Variants in RNF214 observed in about 807,000 individuals in gnomAD.
The protein encoded by RNF214 is ring finger protein 214.
In RNF214, 25 loss-of-function variants were observed where a neutral mutation model predicts 75.9. That is an observed-to-expected ratio of 0.33 (90% CI 0.24 to 0.46). RNF214 has a LOEUF of 0.46. Ranked by LOEUF, RNF214 falls within the 20% of genes least tolerant of loss-of-function variation. RNF214 has a pLI of 1.00. For synonymous variants in RNF214, 314 were observed against 308.8 expected (o/e 1.02, Z -0.18); for missense variants, 725 against 857.5 (o/e 0.85, Z 1.93).
rs182767200 is a variant in RNF214 at position 117,263,582 on chromosome 11, A to T, written c.960-16326A>T. Among the ~76,000 whole-genome samples, 277 of 152,290 alleles carry T rather than the reference A, an allele frequency of 1.8e-3. 1 individual carries two copies. The highest frequency in any genetic ancestry group is 3.4e-3 in the Middle Eastern group (1 of 294). On this transcript the variant is annotated intron_variant, in intron 6 of 14. Transcript: ENST00000300650. The stretch of plus-strand genomic sequence containing the variant: ...AGCCACCGCACCCAGCAGAAAAAAA[A>T]TTTTAATTATGTGTGCATGCGTGCA...
chr11:117,242,132 A>G (rs2033097776), intron 4 of RNF214, among the ~76,000 whole-genome samples: 1 of 152,168 alleles, frequency 6.6e-6, no homozygotes, highest in Admixed American at 6.5e-5. Context: ...CCTTTGATCC[A>G]TCCCTGGCCT....
In RNF214 at chr11:117,241,859, A is replaced by C. The variant is rs556820540; in HGVS notation, c.678+1999A>C. Among the ~76,000 whole-genome samples, 113 of 152,302 alleles carry C rather than the reference A, an allele frequency of 7.4e-4. 2 individuals carry two copies. The South Asian group carries it at 8.9e-3, about 12-fold the overall frequency. On this transcript the variant is annotated intron_variant, in intron 4 of 14. Transcript: ENST00000300650. ...TATTTTATCAATATTTGTTTTAAAA[A>C]GTGATCTTGAGAACCATATATAATA...
chr11:117,250,906 T>A (rs1241388371), intron 6 of RNF214, among the ~76,000 whole-genome samples: 59 of 147,254 alleles, frequency 4.0e-4, no homozygotes, highest in South Asian at 1.1e-3. Flanking sequence ...ATACAGCACA[T>A]GTTTCAGAGA....
At chr11:117,268,864 G>A (rs1410400945) in intron 6 of RNF214, among the ~76,000 whole-genome samples, 1 of 152,122 alleles carries the variant, frequency 6.6e-6, no homozygotes, top group African/African-American at 2.4e-5. Context: ...TCATAAGTTT[G>A]AGAGGCTATA....
intron 6 of RNF214, among the ~76,000 whole-genome samples, chr11:117,260,141 G>A (rs767051264): frequency 9.3e-5 from 14 of 150,942 alleles, no homozygotes; most frequent in Non-Finnish European, 1.8e-4. Flanking sequence ...TTTTATAGAC[G>A]AGGTCTCACT....
At chr11:117,281,802 A>G in intron 10 of RNF214, 92 bp from the exon 11 acceptor site, 4 of 1,507,404 alleles carry the variant, frequency 2.7e-6, no homozygotes. Flanking sequence ...ATCCCTATTC[A>G]GTGCAAGAGT....
chr11:117,270,644 T>C (rs2033892137), intron 6 of RNF214, among the ~76,000 whole-genome samples: 1 of 152,042 alleles, frequency 6.6e-6, no homozygotes, highest in Non-Finnish European at 1.5e-5. Context: ...GACAGGGTTT[T>C]GCCATGTTGG....
rs1382315799 is a variant in RNF214 at position 117,270,025 on chromosome 11, ATTG to A, written c.960-9877_960-9875del. ...TCTCTTCTCTGGTAGTGAATCTTTC[ATTG>A]TTGTTTGGTGAGATTCCTAGGTGGG... On this transcript the variant is annotated intron_variant, in intron 6 of 14. Coordinates refer to ENST00000300650, the MANE Select transcript of RNF214 (RefSeq NM_207343.4). Among the ~76,000 whole-genome samples the A allele has an allele frequency of 5.9e-5, 9 of 151,986 alleles. No homozygotes were observed. In the East Asian group the frequency reaches 1.7e-3, roughly 29 times the overall value.
Position 117,258,079 on chromosome 11 carries a change from CTTTTTCTTTTTT to C in RNF214, c.959+11145_959+11156del, listed in dbSNP as rs780435763. Among the ~76,000 whole-genome samples the C allele has an allele frequency of 4.6e-5, 7 of 151,570 alleles. No homozygotes were observed. In the East Asian group the frequency reaches 5.8e-4, roughly 13 times the overall value. ...CTATCTATTCATCAATCTGTCTTTT[CTTTTTCTTTTTT>C]TTTTTCTTTTTTTGAGACAGAGTCT... is the stretch of plus-strand genomic sequence containing the variant. On this transcript the variant is annotated intron_variant, in intron 6 of 14. Transcript: ENST00000300650.
chr11:117,279,724 T>TTG (rs1565347922), intron 6 of RNF214, among the ~76,000 whole-genome samples, 184 bp from the exon 7 acceptor site: 1 of 152,232 alleles, frequency 6.6e-6, no homozygotes, highest in Non-Finnish European at 1.5e-5. Flanking sequence ...TTGATACTTA[T>TTG]ACTCCAGCTC....
At chr11:117,283,071 C>G (rs200913978) in intron 13 of RNF214, 44 bp from the exon 14 acceptor site, 1 of 1,382,988 alleles carries the variant, frequency 7.2e-7, no homozygotes, top group Non-Finnish European at 1.0e-6. Context: ...GCAAGGAGAC[C>G]CAGAGGTTCC....
chr11:117,241,494 T>C (rs1299621647), intron 4 of RNF214, among the ~76,000 whole-genome samples: 1 of 150,128 alleles, frequency 6.7e-6, no homozygotes, highest in South Asian at 2.1e-4. Context: ...GCAGGAGAAT[T>C]GCTTGAACCC....
rs1031706200 is a variant in RNF214, at chr11:117,244,661, T to C, written c.819+76T>C. 5 of 958,406 alleles carry C rather than the reference T, an allele frequency of 5.2e-6. No individual in the cohort carries two copies. In the African/African-American group the frequency reaches 5.3e-5, roughly 10 times the overall value. 59.4% of individuals were successfully genotyped at this position (958,406 alleles called of 1,614,324 possible). A position where few individuals can be genotyped will look rare whatever the true frequency, so the allele number is the denominator to read the frequency against. ...CAAACTTTAATTTTTTAAAAAACTT[T>C]ATTTATTTATTTATTTATTTTTGAG... On this transcript the variant is annotated intron_variant, in intron 5 of 14. Transcript: ENST00000300650.
chr11:117,279,016 G>A (rs2034072397), intron 6 of RNF214, among the ~76,000 whole-genome samples: 1 of 152,126 alleles, frequency 6.6e-6, no homozygotes, highest in Non-Finnish European at 1.5e-5. Flanking sequence ...AAGATTGCTT[G>A]AGCCCAGGGG....
At chr11:117,251,447 T>C (rs1427693424) in intron 6 of RNF214, among the ~76,000 whole-genome samples, 22 of 130,894 alleles carry the variant, frequency 1.7e-4, no homozygotes, top group Admixed American at 1.5e-3. Flanking sequence ...CCCACCTCCC[T>C]CCCGGACGGG....
rs566922301 is a variant in RNF214, at chr11:117,269,721, T to G, written c.960-10187T>G. Among the ~76,000 whole-genome samples the G allele has an allele frequency of 3.3e-5, 5 of 152,356 alleles. No homozygotes were observed. The South Asian group carries it at 1.0e-3, about 32-fold the overall frequency. On this transcript the variant is annotated intron_variant, in intron 6 of 14. Coordinates refer to ENST00000300650, the MANE Select transcript of RNF214 (RefSeq NM_207343.4). ...TGTTTCCCAGGTAATCTGTCTGAAC[T>G]GTCCTCAGAAGCATACAGATGTCCC... is the stretch of plus-strand genomic sequence containing the variant.
chr11:117,281,479 T>A, intron 9 of RNF214, 75 bp downstream of exon 9: 1 of 1,370,116 alleles, frequency 7.3e-7, no homozygotes, highest in Non-Finnish European at 1.0e-6. Context: ...GGAGGTAGCC[T>A]TTTGCATTGC....
At chr11:117,245,918 G>C (rs945187094) in intron 5 of RNF214, among the ~76,000 whole-genome samples, 1 of 152,030 alleles carries the variant, frequency 6.6e-6, no homozygotes, top group Non-Finnish European at 1.5e-5. Flanking sequence ...TACTCTTATG[G>C]GTGGAAGTGG....
intron 5 of RNF214, among the ~76,000 whole-genome samples, chr11:117,246,130 A>C (rs147910585): frequency 6.6e-6 from 1 of 152,042 alleles, no homozygotes; most frequent in Non-Finnish European, 1.5e-5. Flanking sequence ...ACACCTGGCT[A>C]ATTTTTTTTA....
Sources: gnomAD v4.1 joint callset for allele counts (sites outside exome capture counted in the v4.1 genomes callset) on GRCh38, gnomAD v4.1.1 for gene constraint, MANE v1.5 for transcripts, NCBI Gene and HGNC (gene_info 2026-07-23, HGNC 2026-07-21) for gene names.